MYCBP2: variants seen among roughly 807,000 people sequenced by gnomAD.
The protein encoded by MYCBP2 is MYC binding protein 2, also known as E3 ubiquitin-protein ligase MYCBP2.
In MYCBP2, 120 loss-of-function variants were observed where a neutral mutation model predicts 525.3. The ratio of observed to expected loss-of-function variants is 0.23; its 90% CI spans 0.20 to 0.27. The LOEUF is 0.27. Ranked by LOEUF, MYCBP2 falls within the 10% of genes least tolerant of loss-of-function variation. The pLI, the probability that MYCBP2 is intolerant of heterozygous loss-of-function variation, is 1.00. For missense variants in MYCBP2, 4,149 were observed against 5,657.1 expected (o/e 0.73, Z 8.55); for synonymous variants, 1,894 against 1,955.8 (o/e 0.97, Z 0.83).
rs535710282 is a variant in MYCBP2 at position 77,265,495 on chromosome 13, T to C, written c.1358-1493A>G. On this transcript the variant is annotated intron_variant, in intron 8 of 82. Coordinates refer to ENST00000544440, the MANE Select transcript of MYCBP2 (RefSeq NM_015057.5). Reference sequence around the variant, plus strand: ...GAGGTTTAAAGAATAAAATGACAATTATCAGATAAAAAAAGTATGTTTTAA... The same window carrying C: ...GAGGTTTAAAGAATAAAATGACAATCATCAGATAAAAAAAGTATGTTTTAA... 1.1e-4 allele frequency among the ~76,000 whole-genome samples: 17 copies of C among 152,124 alleles called. No individual in the cohort carries two copies. In the South Asian group the frequency reaches 3.5e-3, roughly 32 times the overall value.
At chr13:77,242,623 T>G (rs1303395228) in intron 17 of MYCBP2, among the ~76,000 whole-genome samples, 1 of 152,160 alleles carries the variant, frequency 6.6e-6, no homozygotes, top group Non-Finnish European at 1.5e-5. Flanking sequence ...TATGTCCAAA[T>G]GATAATGAGC....
At chr13:77,188,000 C>A (rs538023501) in intron 30 of MYCBP2, among the ~76,000 whole-genome samples, 1 of 148,164 alleles carries the variant, frequency 6.7e-6, no homozygotes, top group African/African-American at 2.5e-5. Context: ...GAACTCAGGA[C>A]GCGGAGGTTG....
intron 82 of MYCBP2, among the ~76,000 whole-genome samples, chr13:77,050,611 A>G (rs1047200324): frequency 6.6e-6 from 1 of 152,006 alleles, no homozygotes; most frequent in African/African-American, 2.4e-5. Context: ...TCTAGATTAA[A>G]TCACTTGGTT....
intron 80 of MYCBP2, among the ~76,000 whole-genome samples, chr13:77,052,339 T>C (rs1037748959): frequency 4.6e-5 from 7 of 152,084 alleles, no homozygotes; most frequent in South Asian, 2.1e-4. Context: ...GCTAGGATCA[T>C]AGGTGCACGC....
At chr13:77,111,035 G>A (rs1020838457) in intron 55 of MYCBP2, among the ~76,000 whole-genome samples, 1 of 152,096 alleles carries the variant, frequency 6.6e-6, no homozygotes, top group Non-Finnish European at 1.5e-5. Flanking sequence ...AAAAATGAAC[G>A]TTTTGTTCAG....
At chr13:77,196,867 A>G (rs1375025093) in intron 26 of MYCBP2, among the ~76,000 whole-genome samples, 3 of 152,236 alleles carry the variant, frequency 2.0e-5, no homozygotes, top group African/African-American at 7.2e-5. Context: ...GTCATCAGAG[A>G]TAAATGTCCA....
chr13:77,250,914 T>C (rs557999314), intron 15 of MYCBP2, among the ~76,000 whole-genome samples: 231 of 152,288 alleles, frequency 1.5e-3, no homozygotes, highest in African/African-American at 5.3e-3. Context: ...TTTTAAATAA[T>C]GGTTTAAATG....
intron 18 of MYCBP2, among the ~76,000 whole-genome samples, chr13:77,226,418 A>T (rs1351218453): frequency 6.6e-6 from 1 of 152,202 alleles, no homozygotes; most frequent in Non-Finnish European, 1.5e-5. Flanking sequence ...TTCTAATCAC[A>T]ATGTACTTCT....
intron 21 of MYCBP2, among the ~76,000 whole-genome samples, chr13:77,213,466 A>C (rs2064329045): frequency 6.6e-6 from 1 of 152,118 alleles, no homozygotes; most frequent in Non-Finnish European, 1.5e-5. Flanking sequence ...TGACAGAGTG[A>C]GGCTCTGTCT....
intron 1 of MYCBP2, among the ~76,000 whole-genome samples, chr13:77,322,945 T>G (rs764968362): frequency 2.6e-5 from 4 of 152,202 alleles, no homozygotes; most frequent in Non-Finnish European, 4.4e-5. Context: ...TCCCACATTC[T>G]ACACAGTCAC....
At chr13:77,052,339 T>G (rs1037748959) in intron 80 of MYCBP2, among the ~76,000 whole-genome samples, 1 of 152,084 alleles carries the variant, frequency 6.6e-6, no homozygotes, top group African/African-American at 2.4e-5. Context: ...GCTAGGATCA[T>G]AGGTGCACGC....
intron 5 of MYCBP2, among the ~76,000 whole-genome samples, chr13:77,271,460 C>G (rs2074883753): frequency 6.6e-6 from 1 of 152,140 alleles, no homozygotes; most frequent in Admixed American, 6.5e-5. Context: ...CAAAACAAAT[C>G]TGAGATGTGA....
At chr13:77,123,939 C>CA (rs2051198091) in intron 54 of MYCBP2, among the ~76,000 whole-genome samples, 1 of 152,058 alleles carries the variant, frequency 6.6e-6, no homozygotes, top group Non-Finnish European at 1.5e-5. Flanking sequence ...GTGAAAAAGT[C>CA]ATTTAGTAAA....
chr13:77,282,755 T>C (rs964558912), intron 3 of MYCBP2, among the ~76,000 whole-genome samples: 1 of 152,188 alleles, frequency 6.6e-6, no homozygotes, highest in Non-Finnish European at 1.5e-5. Context: ...AACTTGATCA[T>C]CATTTCAGCC....
chr13:77,102,990 T>A (rs1402598096), intron 55 of MYCBP2, among the ~76,000 whole-genome samples: 2 of 152,020 alleles, frequency 1.3e-5, no homozygotes, highest in Admixed American at 1.3e-4. Flanking sequence ...GTTTAACCTA[T>A]AGATGTAATA....
Position 77,250,123 on chromosome 13 carries a change from C to T in MYCBP2, c.2381+1028G>A, listed in dbSNP as rs1032526814. On this transcript the variant is annotated intron_variant, in intron 15 of 82. Coordinates refer to ENST00000544440, the MANE Select transcript of MYCBP2 (RefSeq NM_015057.5). ...CTGTAGTCCCAGCTACTTGGGAGGT[C>T]GAGGCAGGAGAATGGCGTGAACCCG... Among the ~76,000 whole-genome samples, 7 of 150,060 alleles carry T rather than the reference C, an allele frequency of 4.7e-5. No individual in the cohort carries two copies. In the East Asian group the frequency reaches 5.9e-4, roughly 13 times the overall value.
intron 17 of MYCBP2, among the ~76,000 whole-genome samples, chr13:77,237,489 C>CA (rs1462192118): frequency 6.6e-6 from 1 of 151,650 alleles, no homozygotes; most frequent in African/African-American, 2.4e-5. Context: ...TAACACTAAG[C>CA]AAAAATGTAA....
At chr13:77,142,535 T>C (rs1207908094) in intron 49 of MYCBP2, among the ~76,000 whole-genome samples, 2 of 152,192 alleles carry the variant, frequency 1.3e-5, no homozygotes, top group Non-Finnish European at 2.9e-5. Context: ...TAAAGCAGGG[T>C]TTCCCAAATA....
chr13:77,321,340 G>A (rs1294331656), intron 1 of MYCBP2, among the ~76,000 whole-genome samples: 1 of 152,106 alleles, frequency 6.6e-6, no homozygotes, highest in African/African-American at 2.4e-5. Context: ...GCCTTAACTT[G>A]TGTTTATACA....
Sources: gnomAD v4.1 joint callset for allele counts (sites outside exome capture counted in the v4.1 genomes callset) on GRCh38, gnomAD v4.1.1 for gene constraint, MANE v1.5 for transcripts, NCBI Gene and HGNC (gene_info 2026-07-23, HGNC 2026-07-21) for gene names.